The following HHLA2 variants were observed in gnomAD, a reference collection of about 807,000 sequenced individuals.
HHLA2 encodes HHLA2 member of B7 family.
HHLA2 carries 48 observed loss-of-function variants against 45.9 expected under a neutral mutation model. The observed-to-expected ratio is 1.05, with a 90% CI of 0.83 to 1.33. The LOEUF (loss-of-function observed/expected upper bound fraction) is 1.33. Ranked by LOEUF, HHLA2 falls within the 40% of genes most tolerant of loss-of-function variation. HHLA2 has a pLI of 0.00. For synonymous variants in HHLA2, 161 were observed against 173.9 expected (o/e 0.93, Z 0.59); for missense variants, 462 against 494.3 (o/e 0.93, Z 0.62).
At chr3:108,357,516 A>G (rs1576164771) in intron 6 of HHLA2, among the ~76,000 whole-genome samples, 2 of 152,254 alleles carry the variant, frequency 1.3e-5, no homozygotes, top group East Asian at 3.9e-4. Flanking sequence ...GAAGGAGAAC[A>G]TTGAGTTTAA....
chr3:108,371,179 T>A (rs2082163485), intron 8 of HHLA2, among the ~76,000 whole-genome samples: 1 of 152,134 alleles, frequency 6.6e-6, no homozygotes, highest in African/African-American at 2.4e-5. Context: ...TATTCAACAT[T>A]CTCAAAGAAA....
intron 8 of HHLA2, among the ~76,000 whole-genome samples, chr3:108,370,049 G>T (rs952746049): frequency 6.6e-6 from 1 of 152,342 alleles, no homozygotes; most frequent in Non-Finnish European, 1.5e-5. Context: ...TGGCCTAACT[G>T]GGGGGAACCC....
chr3:108,301,339 C>T (rs1222107993), intron 1 of HHLA2, among the ~76,000 whole-genome samples: 1 of 152,048 alleles, frequency 6.6e-6, no homozygotes, highest in Non-Finnish European at 1.5e-5. Flanking sequence ...CCTGTGAATT[C>T]CAGAGACGTG....
At chr3:108,369,145 G>T (rs1426189163) in intron 8 of HHLA2, among the ~76,000 whole-genome samples, 1 of 152,092 alleles carries the variant, frequency 6.6e-6, no homozygotes, top group African/African-American at 2.4e-5. Context: ...ATTAAATTAA[G>T]GCAGAAATAA....
exon 10 of HHLA2, chr3:108,376,528 A>G (rs771751375): frequency 6.2e-7 from 1 of 1,612,650 alleles, no homozygotes; most frequent in Non-Finnish European, 8.5e-7. Flanking sequence ...GCGCTGTCCC[A>G]GTGCACCCGA....
intron 1 of HHLA2, among the ~76,000 whole-genome samples, chr3:108,309,782 A>G (rs1348121613): frequency 6.6e-6 from 1 of 152,120 alleles, no homozygotes; most frequent in Non-Finnish European, 1.5e-5. Flanking sequence ...TTATAAAATT[A>G]CTATTTTTTC....
intron 1 of HHLA2, among the ~76,000 whole-genome samples, chr3:108,301,365 G>A (rs901514212): frequency 6.6e-6 from 1 of 152,110 alleles, no homozygotes; most frequent in Non-Finnish European, 1.5e-5. Flanking sequence ...AGAAATAGAT[G>A]ACTGAATACT....
chr3:108,331,096 G>A (rs1482634897), intron 3 of HHLA2, among the ~76,000 whole-genome samples: 3 of 152,084 alleles, frequency 2.0e-5, no homozygotes, highest in Admixed American at 1.3e-4. Flanking sequence ...CACCCGGTTC[G>A]AGAATATGTC....
In HHLA2 at chr3:108,322,581, G is replaced by A. The variant is rs560080127; in HGVS notation, c.-104-5689G>A. Among the ~76,000 whole-genome samples the A allele has an allele frequency of 2.8e-3, 431 of 152,264 alleles. 9 individuals carry two copies. Among genetic ancestry groups the A allele is most frequent in the Non-Finnish European group, 2.3e-3 (159 of 68,020 alleles). On this transcript the variant is annotated intron_variant, in intron 2 of 10. Coordinates refer to ENST00000619531, the Ensembl canonical transcript of HHLA2. ...ACACAGCAGAAAGTTCAACCTATGT[G>A]GGGGAGTGGATTTTCCCTCATCCAA...
intron 3 of HHLA2, among the ~76,000 whole-genome samples, chr3:108,345,077 G>C (rs1285962224): frequency 6.6e-6 from 1 of 152,206 alleles, no homozygotes; most frequent in Non-Finnish European, 1.5e-5. Context: ...GGAATTGAGG[G>C]CAAGTAAAGA....
intron 8 of HHLA2, 132 bp from the exon 8 acceptor site, chr3:108,375,617 CA>C: frequency 9.3e-7 from 1 of 1,079,040 alleles, no homozygotes; most frequent in South Asian, 2.0e-5. Flanking sequence ...AGGAGATAGA[CA>C]CACGAAAAAC....
At chr3:108,370,133 C>T (rs910955796) in intron 8 of HHLA2, among the ~76,000 whole-genome samples, 2 of 152,192 alleles carry the variant, frequency 1.3e-5, no homozygotes, top group Non-Finnish European at 2.9e-5. Context: ...AACGATCAGG[C>T]AGCAGCATCT....
chr3:108,305,935 A>T (rs2080922101), intron 1 of HHLA2, among the ~76,000 whole-genome samples: 1 of 152,180 alleles, frequency 6.6e-6, no homozygotes, highest in African/African-American at 2.4e-5. Flanking sequence ...TTGCAGCCCC[A>T]GGTGCTGCTG....
At chr3:108,368,776 A>G (rs2082113099) in intron 8 of HHLA2, among the ~76,000 whole-genome samples, 1 of 152,104 alleles carries the variant, frequency 6.6e-6, no homozygotes, top group Non-Finnish European at 1.5e-5. Flanking sequence ...CTCACACAAT[A>G]ATAGTGGGAG....
chr3:108,316,250 G>A (rs1469451854), intron 2 of HHLA2, among the ~76,000 whole-genome samples: 2 of 152,130 alleles, frequency 1.3e-5, no homozygotes, highest in Non-Finnish European at 2.9e-5. Flanking sequence ...CAGAAAGAAG[G>A]GAAGAAGTTC....
intron 1 of HHLA2, among the ~76,000 whole-genome samples, chr3:108,301,373 A>C (rs549283154): frequency 3.9e-5 from 6 of 152,236 alleles, no homozygotes; most frequent in African/African-American, 1.4e-4. Flanking sequence ...ATGACTGAAT[A>C]CTAAGTATGT....
intron 3 of HHLA2, among the ~76,000 whole-genome samples, chr3:108,351,360 A>G (rs1399733605): frequency 3.3e-5 from 5 of 152,236 alleles, no homozygotes; most frequent in African/African-American, 4.8e-5. Flanking sequence ...TCATAAAAGC[A>G]AATGTGTCCA....
intron 6 of HHLA2, among the ~76,000 whole-genome samples, chr3:108,356,068 C>T (rs1028622168): frequency 4.9e-5 from 6 of 122,542 alleles, no homozygotes; most frequent in East Asian, 2.1e-4. Context: ...CTCCCTCTGT[C>T]GCCCAGGCTG....
At chr3:108,378,191 G>A (rs2082306832) in exon 11 of HHLA2, 2 of 152,124 alleles carry the variant, frequency 1.3e-5, no homozygotes, top group South Asian at 4.1e-4. Context: ...AAACCTATAA[G>A]AACTAATGAT....
Sources: gnomAD v4.1 joint callset for allele counts (sites outside exome capture counted in the v4.1 genomes callset) on GRCh38, gnomAD v4.1.1 for gene constraint, MANE v1.5 for transcripts, NCBI Gene and HGNC (gene_info 2026-07-23, HGNC 2026-07-21) for gene names.